ARHGAP15: variants seen among roughly 807,000 people sequenced by gnomAD.
ARHGAP15 encodes the protein rho GTPase-activating protein 15.
In ARHGAP15, 51 loss-of-function variants were observed where a neutral mutation model predicts 63.7. That is an observed-to-expected ratio of 0.80 (90% CI 0.64 to 1.01). The LOEUF (loss-of-function observed/expected upper bound fraction) is 1.01, where lower values mean the gene tolerates loss of function less well. ARHGAP15 is among the 50% of genes least tolerant of loss of function. ARHGAP15 has a pLI of 0.00. For synonymous variants in ARHGAP15, 191 were observed against 193.8 expected (o/e 0.99, Z 0.12); for missense variants, 560 against 564.6 (o/e 0.99, Z 0.08).
At chr2:143,385,748 T>C (rs1419234265) in intron 6 of ARHGAP15, among the ~76,000 whole-genome samples, 3 of 152,106 alleles carry the variant, frequency 2.0e-5, no homozygotes, top group Non-Finnish European at 4.4e-5. Flanking sequence ...GCCGTTTGTT[T>C]GTATTAGATG....
At chr2:143,468,638 G>GAA (rs1421959619) in intron 8 of ARHGAP15, among the ~76,000 whole-genome samples, 2 of 13,668 alleles carry the variant, frequency 1.5e-4, no homozygotes, top group African/African-American at 2.3e-4. Context: ...CTTTGTGAGA[G>GAA]AGAGAGAGAG....
At chr2:143,729,409 C>T (rs1470587160) in intron 13 of ARHGAP15, among the ~76,000 whole-genome samples, 1 of 152,164 alleles carries the variant, frequency 6.6e-6, no homozygotes, top group African/African-American at 2.4e-5. Context: ...AGTCAAAAGG[C>T]CTTAGAGAGA....
At chr2:143,743,665 C>T (rs1177170592) in intron 13 of ARHGAP15, among the ~76,000 whole-genome samples, 6 of 152,112 alleles carry the variant, frequency 3.9e-5, no homozygotes, top group Non-Finnish European at 8.8e-5. Context: ...CCTCGTTCCC[C>T]GTTTCAGCAG....
rs190281879 is a variant in ARHGAP15 at position 143,438,910 on chromosome 2, C to T, written c.703+1868C>T. ...CTGGTTCAGAGACCTTAAGATGTTT[C>T]TAAAACCTGAGCTATGGAGAAAATA... On this transcript the variant is annotated intron_variant, in intron 8 of 13. Coordinates refer to ENST00000295095, the MANE Select transcript of ARHGAP15 (RefSeq NM_018460.4). 2.0e-3 allele frequency among the ~76,000 whole-genome samples: 306 copies of T among 152,078 alleles called. 2 individuals are homozygous for T. Among genetic ancestry groups the T allele is most frequent in the African/African-American group, 7.2e-3 (300 of 41,484 alleles).
intron 6 of ARHGAP15, among the ~76,000 whole-genome samples, chr2:143,394,021 A>G (rs1687655211): frequency 6.6e-6 from 1 of 152,172 alleles, no homozygotes; most frequent in Non-Finnish European, 1.5e-5. Flanking sequence ...AGCAAATATT[A>G]AGTGTTTTTC....
intron 2 of ARHGAP15, chr2:143,171,853 C>G (rs1324732575): frequency 6.6e-6 from 1 of 151,898 alleles, no homozygotes; most frequent in African/African-American, 2.4e-5. Context: ...GTTTTTTTCT[C>G]TTTTTCTTTT....
At chr2:143,148,489 C>A (rs1464246469) in intron 1 of ARHGAP15, among the ~76,000 whole-genome samples, 1 of 152,044 alleles carries the variant, frequency 6.6e-6, no homozygotes. Flanking sequence ...CTACCACACA[C>A]TTATTCTACT....
chr2:143,365,785 C>A (rs1162596827), intron 6 of ARHGAP15, among the ~76,000 whole-genome samples: 3 of 152,172 alleles, frequency 2.0e-5, no homozygotes, highest in African/African-American at 7.2e-5. Context: ...AAAGAACCAA[C>A]TCTGTGAAGT....
intron 8 of ARHGAP15, among the ~76,000 whole-genome samples, chr2:143,446,382 T>C (rs969238226): frequency 5.3e-5 from 8 of 152,010 alleles, no homozygotes; most frequent in African/African-American, 1.7e-4. Context: ...AAGAATGTAC[T>C]TTTGCAACTG....
chr2:143,198,016 A>G (rs1691952921), intron 2 of ARHGAP15, among the ~76,000 whole-genome samples: 1 of 151,930 alleles, frequency 6.6e-6, no homozygotes, highest in Non-Finnish European at 1.5e-5. Context: ...TGCTGGAGAA[A>G]CAATAAAGTG....
At chr2:143,476,135 T>C (rs1360513427) in intron 8 of ARHGAP15, among the ~76,000 whole-genome samples, 1 of 152,188 alleles carries the variant, frequency 6.6e-6, no homozygotes, top group Non-Finnish European at 1.5e-5. Flanking sequence ...TACAGTAAAC[T>C]TGGGGTTTCT....
chr2:143,343,654 C>T (rs1475643067), intron 6 of ARHGAP15, among the ~76,000 whole-genome samples: 1 of 151,970 alleles, frequency 6.6e-6, no homozygotes, highest in African/African-American at 2.4e-5. Flanking sequence ...TTTGGTGATT[C>T]TTCAAGCTTT....
At position 143,730,313 on chromosome 2, in the gene ARHGAP15, CA is replaced by C. The variant is rs975168827; in HGVS notation, c.1244+26790del. ...AGCTGGAGGCTTAGAAAGGCCTAGA[CA>C]CACACTGTAATCGTATGTCTCTTTC... On this transcript the variant is annotated intron_variant, in intron 13 of 13. Coordinates refer to ENST00000295095, the MANE Select transcript of ARHGAP15 (RefSeq NM_018460.4). Among the ~76,000 whole-genome samples the C allele has an allele frequency of 1.3e-4, 20 of 152,352 alleles. 1 individual carries two copies. Among genetic ancestry groups the C allele is most frequent in the Middle Eastern group, 3.4e-3 (1 of 294 alleles).
intron 6 of ARHGAP15, among the ~76,000 whole-genome samples, chr2:143,375,644 C>G (rs1018792981): frequency 1.7e-4 from 26 of 152,278 alleles, no homozygotes; most frequent in African/African-American, 6.0e-4. Flanking sequence ...AAATCTTAGA[C>G]TGCCCTGTGA....
At chr2:143,555,195 C>T (rs972448382) in intron 10 of ARHGAP15, among the ~76,000 whole-genome samples, 1 of 152,112 alleles carries the variant, frequency 6.6e-6, no homozygotes, top group African/African-American at 2.4e-5. Flanking sequence ...ATATTTTGCA[C>T]AATGGCAGAA....
chr2:143,537,290 A>C (rs1694820209), intron 10 of ARHGAP15, among the ~76,000 whole-genome samples: 1 of 152,110 alleles, frequency 6.6e-6, no homozygotes, highest in Non-Finnish European at 1.5e-5. Context: ...CCTTTGTCAG[A>C]TGAGTAAGTT....
At chr2:143,639,266 T>C (rs1478166537) in intron 12 of ARHGAP15, among the ~76,000 whole-genome samples, 2 of 152,118 alleles carry the variant, frequency 1.3e-5, no homozygotes, top group Non-Finnish European at 2.9e-5. Context: ...ATACACGTAC[T>C]CAAAACCTCA....
intron 6 of ARHGAP15, among the ~76,000 whole-genome samples, chr2:143,277,262 A>AG (rs1241298981): frequency 6.6e-6 from 1 of 152,232 alleles, no homozygotes; most frequent in African/African-American, 2.4e-5. Flanking sequence ...CTCCTCAGTA[A>AG]GAAAAAATGG....
chr2:143,668,242 CT>C (rs923445585), intron 12 of ARHGAP15, among the ~76,000 whole-genome samples: 11 of 151,582 alleles, frequency 7.3e-5, no homozygotes, highest in African/African-American at 2.7e-4. Flanking sequence ...ACTCCCATCA[CT>C]TCCTAAAGGG....
Sources: allele counts gnomAD v4.1 joint callset (sites outside exome capture counted in the v4.1 genomes callset), GRCh38; gene constraint gnomAD v4.1.1; transcripts MANE v1.5; gene names NCBI Gene and HGNC (gene_info 2026-07-23, HGNC 2026-07-21).